Variants in APP observed in about 807,000 individuals in gnomAD.
APP encodes amyloid beta precursor protein.
APP carries 31 observed loss-of-function variants against 101.4 expected under a neutral mutation model. That is an observed-to-expected ratio of 0.31 (90% CI 0.23 to 0.41). The LOEUF is 0.41. Among genes scored for constraint, APP ranks in the 10% least tolerant of loss-of-function variants. The probability of loss-of-function intolerance (pLI) is 1.00; values close to 1 mark genes in which losing one functional copy is unlikely to be tolerated. For synonymous variants in APP, 366 were observed against 364.4 expected, an observed-to-expected ratio of 1.00 and a Z score of -0.05; for missense variants, 839 against 1,003.7, an observed-to-expected ratio of 0.84 and a Z score of 2.22.
chr21:25,972,663 G>A (rs753382527), intron 11 of APP, among the ~76,000 whole-genome samples: 2 of 151,738 alleles, frequency 1.3e-5, no homozygotes, highest in Admixed American at 1.3e-4. Flanking sequence ...AACCTCCTGA[G>A]TTGCTGGGAT....
intron 13 of APP, among the ~76,000 whole-genome samples, chr21:25,937,055 A>G (rs1158084348): frequency 6.6e-6 from 1 of 151,990 alleles, no homozygotes; most frequent in Admixed American, 6.5e-5. Flanking sequence ...AAGTAAAGAA[A>G]AAGCTTTTCT....
At chr21:26,031,297 T>C (rs545101596) in intron 5 of APP, among the ~76,000 whole-genome samples, 8 of 152,322 alleles carry the variant, frequency 5.3e-5, no homozygotes, top group African/African-American at 1.9e-4. Context: ...AGCCTGGTCC[T>C]TTTCTTTTGG....
At chr21:26,167,871 T>C (rs907068920) in intron 1 of APP, among the ~76,000 whole-genome samples, 1 of 152,190 alleles carries the variant, frequency 6.6e-6, no homozygotes, top group Non-Finnish European at 1.5e-5. Context: ...AGTCTGCCAG[T>C]TATCATGGTT....
intron 11 of APP, among the ~76,000 whole-genome samples, chr21:25,964,631 C>T (rs556833283): frequency 1.3e-4 from 18 of 134,622 alleles, no homozygotes; most frequent in South Asian, 4.7e-4. Flanking sequence ...TTTTCTGAGA[C>T]GGAGTTTCAC....
intron 5 of APP, among the ~76,000 whole-genome samples, chr21:26,038,880 TCG>T (rs1280787245): frequency 1.3e-5 from 2 of 152,172 alleles, no homozygotes; most frequent in African/African-American, 4.8e-5. Context: ...CACCAATTAG[TCG>T]TTTTGGAAGC....
At chr21:25,961,926 G>T (rs1452128834) in intron 11 of APP, among the ~76,000 whole-genome samples, 4 of 151,846 alleles carry the variant, frequency 2.6e-5, no homozygotes, top group Admixed American at 2.6e-4. Context: ...TAACCTGCAG[G>T]CATATAATCC....
At chr21:26,102,709 G>A (rs148444134) in intron 2 of APP, among the ~76,000 whole-genome samples, 3,040 of 151,700 alleles carry the variant, frequency 0.02, 47 homozygotes, top group Non-Finnish European at 0.031. Context: ...TGGCCAACAT[G>A]GTGAAACCCC....
chr21:25,954,572 A>C lies in APP; in HGVS notation c.1687+18T>G. 6.3e-7 allele frequency: 1 copy of C among 1,599,282 alleles called. No individual in the cohort carries two copies. On this transcript the variant is annotated intron_variant, in intron 13 of 17. Transcript: ENST00000346798. ...AAATACATGTCCATGTGCAGCATCA[A>C]AAGAACAGCTTACTTACCAACTTCA...
chr21:25,982,589 A>C, intron 8 of APP, 112 bp from the exon 9 acceptor site: 1 of 1,062,088 alleles, frequency 9.4e-7, no homozygotes, highest in Non-Finnish European at 1.4e-6. Context: ...CAGAGAATTT[A>C]GTAAAGCAGC....
Position 26,154,708 on chromosome 21 carries a change from G to T in APP, c.57+15856C>A, listed in dbSNP as rs555868894. 3.3e-5 allele frequency among the ~76,000 whole-genome samples: 5 copies of T among 152,276 alleles called. No individual in the cohort carries two copies. In the East Asian group the frequency reaches 5.8e-4, roughly 18 times the overall value. ...ATTAGAAGTTAGAGAACAGGGACTGGGCTCTTGATCCTTAAAATGTGGGTG... is the reference window on the plus strand; with the variant it reads ...ATTAGAAGTTAGAGAACAGGGACTGTGCTCTTGATCCTTAAAATGTGGGTG... On this transcript the variant is annotated intron_variant, in intron 1 of 17. Coordinates refer to ENST00000346798, the MANE Select transcript of APP (RefSeq NM_000484.4).
At chr21:25,940,382 C>A (rs1445420512) in intron 13 of APP, among the ~76,000 whole-genome samples, 1 of 152,038 alleles carries the variant, frequency 6.6e-6, no homozygotes, top group South Asian at 2.1e-4. Flanking sequence ...ATTAGGTAGA[C>A]CCAAATAGTC....
chr21:26,023,925 G>A (rs2044457550), intron 5 of APP, among the ~76,000 whole-genome samples: 1 of 152,150 alleles, frequency 6.6e-6, no homozygotes, highest in African/African-American at 2.4e-5. Context: ...ATTGGGAAGA[G>A]GATCAGAAAT....
chr21:25,933,844 A>G (rs1002912969), intron 13 of APP: 1 of 152,160 alleles, frequency 6.6e-6, no homozygotes, highest in African/African-American at 2.4e-5. Context: ...TGTAGTTCTT[A>G]GATTTAAATT....
rs760669002 is a variant in APP at position 25,912,012 on chromosome 21, C to T, written c.1688-50G>A. 12 of 1,349,148 alleles carry T rather than the reference C, an allele frequency of 8.9e-6. No individual in the cohort carries two copies. The Admixed American group carries it at 1.9e-4, about 21-fold the overall frequency. The allele number at this position is 1,349,148 out of a possible 1,614,324, so 83.6% of individuals were successfully genotyped here. ...TGGTGAGTAACAACAATCACAACAG[C>T]AGCAGCAGCAGCAGCCACCATTTAC... On this transcript the variant is annotated intron_variant, in intron 13 of 17. Transcript: ENST00000346798.
intron 2 of APP, among the ~76,000 whole-genome samples, chr21:26,111,109 A>G (rs973407862): frequency 6.8e-6 from 1 of 148,116 alleles, no homozygotes; most frequent in Admixed American, 6.7e-5. Flanking sequence ...AAAAAAAAAA[A>G]GCAAAGTGCA....
chr21:25,899,535 G>A (rs1390759290), intron 15 of APP, among the ~76,000 whole-genome samples: 1 of 152,106 alleles, frequency 6.6e-6, no homozygotes, highest in Non-Finnish European at 1.5e-5. Flanking sequence ...GGACGCTCAA[G>A]CAGCATTACA....
intron 16 of APP, among the ~76,000 whole-genome samples, chr21:25,892,115 A>ATG (rs1392637429): frequency 6.7e-6 from 1 of 148,512 alleles, no homozygotes; most frequent in African/African-American, 2.5e-5. Flanking sequence ...TTATAGAAGG[A>ATG]TGTACAACAT....
chr21:25,993,644 T>C (rs1392411547), intron 8 of APP, among the ~76,000 whole-genome samples: 1 of 152,222 alleles, frequency 6.6e-6, no homozygotes, highest in East Asian at 1.9e-4. Flanking sequence ...GATGCTGACA[T>C]TCTAACATTT....
At chr21:26,094,143 C>T (rs965296444) in intron 2 of APP, among the ~76,000 whole-genome samples, 3 of 151,284 alleles carry the variant, frequency 2.0e-5, no homozygotes, top group African/African-American at 7.3e-5. Context: ...ATTTGAACCA[C>T]ATAAAGCCCA....
Sources: allele counts gnomAD v4.1 joint callset (sites outside exome capture counted in the v4.1 genomes callset), GRCh38; gene constraint gnomAD v4.1.1; transcripts MANE v1.5; gene names NCBI Gene and HGNC (gene_info 2026-07-23, HGNC 2026-07-21).